Variants in AK7 observed in about 807,000 individuals in gnomAD.
The protein encoded by AK7 is adenylate kinase 7, also known as ATP-AMP transphosphorylase 7.
Under a neutral mutation model 96.6 loss-of-function variants are expected in AK7, and 78 were observed. The observed-to-expected ratio is 0.81, with a 90% CI of 0.67 to 0.97. AK7 has a LOEUF of 0.97. Among genes scored for constraint, AK7 ranks in the 50% least tolerant of loss-of-function variants. The probability of loss-of-function intolerance (pLI) is 0.00; values close to 1 mark genes in which losing one functional copy is unlikely to be tolerated. For synonymous variants in AK7, 302 were observed against 317.2 expected (o/e 0.95, Z 0.51); for missense variants, 855 against 887.9 (o/e 0.96, Z 0.47).
At chr14:96,485,583 G>A (rs1160656911) in intron 16 of AK7, among the ~76,000 whole-genome samples, 3 of 152,160 alleles carry the variant, frequency 2.0e-5, no homozygotes, top group Non-Finnish European at 2.9e-5. Context: ...GCATCACATA[G>A]TATCCTCATC....
intron 10 of AK7, among the ~76,000 whole-genome samples, chr14:96,454,689 G>A (rs1195412379): frequency 6.6e-6 from 1 of 151,162 alleles, no homozygotes; most frequent in African/African-American, 2.4e-5. Context: ...GTAGAGACAG[G>A]GATCTCACTA....
At chr14:96,452,980 T>C (rs1156916552) in intron 10 of AK7, among the ~76,000 whole-genome samples, 1 of 152,224 alleles carries the variant, frequency 6.6e-6, no homozygotes, top group Non-Finnish European at 1.5e-5. Flanking sequence ...CATGAGAAAG[T>C]GTTTTGAAAA....
chr14:96,415,727 A>T (rs1891291848), intron 4 of AK7, among the ~76,000 whole-genome samples: 1 of 150,074 alleles, frequency 6.7e-6, no homozygotes, highest in African/African-American at 2.4e-5. Flanking sequence ...TTATTAATAA[A>T]TTTTAATACA....
chr14:96,421,466 C>G (rs1221467145), intron 5 of AK7: 2 of 152,206 alleles, frequency 1.3e-5, no homozygotes, highest in East Asian at 3.9e-4. Context: ...TGGCGTGGAG[C>G]TGAGATTCAG....
chr14:96,415,813 A>G (rs1338062156), intron 4 of AK7, among the ~76,000 whole-genome samples: 5 of 150,616 alleles, frequency 3.3e-5, no homozygotes, highest in Non-Finnish European at 7.4e-5. Flanking sequence ...TTAATTTAAT[A>G]CATTAATTAA....
At chr14:96,484,279 A>G (rs1354259091) in intron 16 of AK7, among the ~76,000 whole-genome samples, 1 of 152,086 alleles carries the variant, frequency 6.6e-6, no homozygotes, top group African/African-American at 2.4e-5. Context: ...ATGGCACCCA[A>G]ATCTGTCCCA....
chr14:96,476,557 A>T (rs1022405443), intron 14 of AK7, among the ~76,000 whole-genome samples: 9 of 152,178 alleles, frequency 5.9e-5, no homozygotes, highest in South Asian at 4.2e-4. Flanking sequence ...CAGATAGCCA[A>T]ATACAGTGAC....
intron 4 of AK7, among the ~76,000 whole-genome samples, chr14:96,418,742 C>T (rs1241258656): frequency 6.6e-6 from 1 of 152,116 alleles, no homozygotes; most frequent in African/African-American, 2.4e-5. Flanking sequence ...TGGTCTTGAA[C>T]TCCTGGCCTC....
intron 10 of AK7, among the ~76,000 whole-genome samples, chr14:96,454,787 C>G (rs2140119731): frequency 6.6e-6 from 1 of 152,048 alleles, no homozygotes; most frequent in Non-Finnish European, 1.5e-5. Flanking sequence ...CTCCAGGGAT[C>G]CTCCCACCTC....
rs181603939 is a variant in AK7 at position 96,426,153 on chromosome 14, C to A, written c.609+5221C>A. ...TTTCTCTGGTGATATGATTTAGTTT[C>A]TTGCTTTTTATTTTTTGTGCAACCA... is the stretch of plus-strand genomic sequence containing the variant. On this transcript the variant is annotated intron_variant, in intron 5 of 17. Coordinates refer to ENST00000267584, the MANE Select transcript of AK7 (RefSeq NM_152327.5). Among the ~76,000 whole-genome samples, 118 of 152,162 alleles carry A rather than the reference C, an allele frequency of 7.8e-4. No individual in the cohort carries two copies. In the Middle Eastern group the frequency reaches 0.01, roughly 13 times the overall value.
chr14:96,473,110 C>CTCTT (rs1894987756), intron 14 of AK7, among the ~76,000 whole-genome samples: 1 of 151,822 alleles, frequency 6.6e-6, no homozygotes, highest in Admixed American at 6.6e-5. Flanking sequence ...TGATATCTCT[C>CTCTT]TCTTTTCTCT....
intron 3 of AK7, among the ~76,000 whole-genome samples, chr14:96,406,811 A>G (rs1890738851): frequency 6.6e-6 from 1 of 151,940 alleles, no homozygotes; most frequent in African/African-American, 2.4e-5. Flanking sequence ...CAGCCTCCTG[A>G]GTAGCTAGAA....
intron 3 of AK7, among the ~76,000 whole-genome samples, chr14:96,408,377 C>T (rs2140005176): frequency 6.6e-6 from 1 of 152,352 alleles, no homozygotes; most frequent in South Asian, 2.1e-4. Flanking sequence ...CAAACTGTGC[C>T]TCGGTTTCTG....
intron 8 of AK7, among the ~76,000 whole-genome samples, chr14:96,449,084 A>G (rs1426336722): frequency 1.3e-5 from 2 of 151,954 alleles, no homozygotes; most frequent in Non-Finnish European, 2.9e-5. Context: ...AGGCTAAGGC[A>G]CTCTCTGGGA....
rs143022548 is a variant in AK7 at position 96,437,902 on chromosome 14, A to G, written c.677A>G (p.His226Arg). 3 of 1,613,656 alleles carry G rather than the reference A, an allele frequency of 1.9e-6. No homozygotes were observed. The highest frequency in any genetic ancestry group is 1.3e-5 in the African/African-American group (1 of 74,894). The change falls in exon 6 of 18, where the codon CAC becomes CGC. Residue 226 changes from histidine to arginine, a missense_variant. Transcript: ENST00000267584. The part of the protein sequence containing the change: ...LQYGAEGGML[H>R]TFFKMAWLGE... ...TATGGAGCGGAAGGAGGCATGTTACACACATTTTTTAAGGTATGGCTTTCA... is the reference window on the plus strand; with the variant it reads ...TATGGAGCGGAAGGAGGCATGTTACGCACATTTTTTAAGGTATGGCTTTCA...
chr14:96,414,681 C>T (rs1891222281), intron 4 of AK7, among the ~76,000 whole-genome samples: 1 of 149,528 alleles, frequency 6.7e-6, no homozygotes. Flanking sequence ...ACGAAGGTGG[C>T]AAGAAAAAGT....
At chr14:96,462,812 T>C (rs970786728) in intron 12 of AK7, among the ~76,000 whole-genome samples, 1 of 152,124 alleles carries the variant, frequency 6.6e-6, no homozygotes, top group Non-Finnish European at 1.5e-5. Flanking sequence ...AAAACACATA[T>C]TATTACTGTA....
Position 96,400,624 on chromosome 14 carries a change from A to G in AK7, c.294+2361A>G, listed in dbSNP as rs571295701. Among the ~76,000 whole-genome samples, 8 of 152,320 alleles carry G rather than the reference A, an allele frequency of 5.3e-5. No homozygotes were observed. In the South Asian group the frequency reaches 1.7e-3, roughly 32 times the overall value. ...GCTGGCAGTAAGGCTGCAACAGTCC[A>G]GGGCCTTAGTTCATACACAGTGACG... On this transcript the variant is annotated intron_variant, in intron 2 of 17. Transcript: ENST00000267584.
intron 14 of AK7, among the ~76,000 whole-genome samples, chr14:96,475,990 G>A (rs72706832): frequency 0.01 from 1,501 of 146,812 alleles, 31 homozygotes; most frequent in African/African-American, 0.031. Context: ...AAAAAAAAAA[G>A]AAAAAAAAAA....
Sources: gnomAD v4.1 joint callset for allele counts (sites outside exome capture counted in the v4.1 genomes callset) on GRCh38, gnomAD v4.1.1 for gene constraint, MANE v1.5 for transcripts, NCBI Gene and HGNC (gene_info 2026-07-23, HGNC 2026-07-21) for gene names.